NDUFAF7: variants seen among roughly 807,000 people sequenced by gnomAD.
The protein encoded by NDUFAF7 is NADH:ubiquinone oxidoreductase complex assembly factor 7.
NDUFAF7 carries 48 observed loss-of-function variants against 47.2 expected under a neutral mutation model. The ratio of observed to expected loss-of-function variants is 1.02; its 90% CI spans 0.81 to 1.29. The LOEUF is 1.29. Among genes scored for constraint, NDUFAF7 ranks in the 50% most tolerant of loss-of-function variants. The pLI is 0.00. For synonymous variants in NDUFAF7, 217 were observed against 190.0 expected (o/e 1.14, Z -1.17); for missense variants, 635 against 537.6 (o/e 1.18, Z -1.79).
chr2:37,258,814 CCTAT>C, the NDUFAF7 span, among the ~76,000 whole-genome samples: 1 of 152,110 alleles, frequency 6.6e-6, no homozygotes, highest in East Asian at 1.9e-4. Flanking sequence ...AGTGAAAACA[CCTAT>C]CTGTTGTCCT....
At chr2:37,250,546 G>A (rs1475074665), downstream of NDUFAF7, 1 of 151,296 alleles carries the variant, frequency 6.6e-6, no homozygotes, top group African/African-American at 2.4e-5. Context: ...TTTTTGGCAG[G>A]TTAAAAAAAA....
the NDUFAF7 span, chr2:37,269,628 G>A: frequency 1.9e-6 from 3 of 1,612,092 alleles, no homozygotes; most frequent in Admixed American, 1.7e-5. Flanking sequence ...CATAAACGAT[G>A]CCAAACTGGC....
chr2:37,266,336 T>C, the NDUFAF7 span, among the ~76,000 whole-genome samples: 1 of 152,242 alleles, frequency 6.6e-6, no homozygotes, highest in Non-Finnish European at 1.5e-5. Flanking sequence ...CATTTTTTGT[T>C]GTTGTTGAGA....
At chr2:37,244,572 A>T (rs1238149851) in intron 7 of NDUFAF7, among the ~76,000 whole-genome samples, 2 of 95,944 alleles carry the variant, frequency 2.1e-5, no homozygotes, top group African/African-American at 5.0e-5. Flanking sequence ...TTAAAGGTAC[A>T]AAAAAATCCC....
In NDUFAF7 at chr2:37,236,189, G is replaced by A. The variant is rs1424733027; in HGVS notation, c.297+13G>A. 1.3e-6 allele frequency: 2 copies of A among 1,563,112 alleles called. No individual in the cohort carries two copies. Among genetic ancestry groups the A allele is most frequent in the Non-Finnish European group, 1.8e-6 (2 of 1,133,822 alleles). ...AATCTTTGGGGAGGTAATATACTAT[G>A]TAAAGTATGAATGAAGCTAATATAA... On this transcript the variant is annotated intron_variant, in intron 3 of 9. Coordinates refer to ENST00000002125, the MANE Select transcript of NDUFAF7 (RefSeq NM_144736.5).
intron 8 of NDUFAF7, among the ~76,000 whole-genome samples, chr2:37,247,042 C>T (rs1157819256): frequency 6.6e-6 from 1 of 152,050 alleles, no homozygotes; most frequent in Non-Finnish European, 1.5e-5. Context: ...AGCCCTTGTT[C>T]CCCTCCTCCT....
the NDUFAF7 span, among the ~76,000 whole-genome samples, chr2:37,262,902 C>CCG: frequency 0.11 from 16,919 of 151,544 alleles, 1,357 homozygotes; most frequent in East Asian, 0.35. Context: ...CCTTCCCCCC[C>CCG]CCGTATTTGT....
downstream of NDUFAF7, chr2:37,252,913 G>T: frequency 4.6e-6 from 1 of 218,980 alleles, no homozygotes; most frequent in Non-Finnish European, 8.8e-6. Flanking sequence ...TAAAGTGAAG[G>T]ATTAAGAAAA....
intron 2 of NDUFAF7, among the ~76,000 whole-genome samples, chr2:37,233,306 A>G (rs1474607155): frequency 3.3e-5 from 5 of 152,216 alleles, no homozygotes; most frequent in African/African-American, 7.2e-5. Flanking sequence ...ATGCAGGTGG[A>G]GATAGAAAGT....
chr2:37,253,045 G>A, downstream of NDUFAF7: 1 of 891,852 alleles, frequency 1.1e-6, no homozygotes, highest in South Asian at 2.2e-5. Flanking sequence ...TACAGTACTG[G>A]TGTCACTTAT....
At chr2:37,259,184 ATACTC>A in the NDUFAF7 span, among the ~76,000 whole-genome samples, 2 of 152,330 alleles carry the variant, frequency 1.3e-5, no homozygotes, top group South Asian at 2.1e-4. Flanking sequence ...TTTGAATACA[ATACTC>A]TACATAGAAA....
intron 6 of NDUFAF7, 49 bp downstream of exon 6, chr2:37,242,742 T>C: frequency 2.2e-6 from 3 of 1,367,428 alleles, no homozygotes; most frequent in East Asian, 2.3e-5. Flanking sequence ...ACAAAAGGCA[T>C]TGTGTTGCCA....
intron 4 of NDUFAF7, among the ~76,000 whole-genome samples, chr2:37,239,952 A>G (rs1016282154): frequency 3.3e-5 from 5 of 152,174 alleles, no homozygotes; most frequent in African/African-American, 4.8e-5. Context: ...TTTATGGTAG[A>G]TATTCTCTCT....
downstream of NDUFAF7, among the ~76,000 whole-genome samples, chr2:37,249,779 GAGTT>G (rs778849392): frequency 2.6e-5 from 4 of 152,230 alleles, no homozygotes; most frequent in East Asian, 3.9e-4. Flanking sequence ...TGGAAACAAA[GAGTT>G]AGAGAATTAT....
the NDUFAF7 span, among the ~76,000 whole-genome samples, chr2:37,262,959 G>A: frequency 2.0e-5 from 3 of 149,048 alleles, no homozygotes; most frequent in East Asian, 2.0e-4. Context: ...TGCTTAGGAT[G>A]GCCATTTTAT....
At chr2:37,240,077 T>A (rs543071900) in intron 4 of NDUFAF7, among the ~76,000 whole-genome samples, 1 of 152,364 alleles carries the variant, frequency 6.6e-6, no homozygotes, top group Non-Finnish European at 1.5e-5. Flanking sequence ...TAGTTTTTAG[T>A]ATTTTGGAAC....
chr2:37,249,564 C>G (rs942104809), downstream of NDUFAF7, among the ~76,000 whole-genome samples: 351 of 40,662 alleles, frequency 8.6e-3, 4 homozygotes, highest in African/African-American at 0.023. Flanking sequence ...GATAGACACA[C>G]ACACACACAC....
the NDUFAF7 span, among the ~76,000 whole-genome samples, chr2:37,269,934 A>G: frequency 6.6e-6 from 1 of 152,196 alleles, no homozygotes; most frequent in East Asian, 1.9e-4. Context: ...CATTTTAAAA[A>G]TCTTGTATTT....
In NDUFAF7 at chr2:37,248,147, A is replaced by G; in HGVS notation, c.1123A>G (p.Lys375Glu). 1 of 1,613,384 alleles carries G rather than the reference A, an allele frequency of 6.2e-7. No individual in the cohort carries two copies. Among genetic ancestry groups the G allele is most frequent in the Non-Finnish European group, 8.5e-7 (1 of 1,179,410 alleles). Residue 375 changes from lysine (K) to glutamate (E), a missense_variant, in exon 10 of 10, where the codon AAA (lysine) becomes GAA (glutamate). By Grantham distance (56) the Lys-to-Glu change is moderately conservative. Transcript: ENST00000002125. ...IDVRLKVLLDKSNEPSVRQQL... is the reference protein window; with the variant it reads ...IDVRLKVLLDESNEPSVRQQL... ...TTTTTCTTTTCAGGTTCTTTTAGAT[A>G]AATCAAATGAGCCATCAGTGAGGCA...
Sources: gnomAD v4.1 joint callset for allele counts (sites outside exome capture counted in the v4.1 genomes callset) on GRCh38, gnomAD v4.1.1 for gene constraint, MANE v1.5 for transcripts, NCBI Gene and HGNC (gene_info 2026-07-23, HGNC 2026-07-21) for gene names.